Variants in TMEM132D observed in about 807,000 individuals in gnomAD.
The protein encoded by TMEM132D is transmembrane protein 132D.
Under a neutral mutation model 62.3 loss-of-function variants are expected in TMEM132D, and 21 were observed. The observed-to-expected ratio is 0.34, with a 90% CI of 0.24 to 0.49. The LOEUF (loss-of-function observed/expected upper bound fraction) is 0.49, where lower values mean the gene tolerates loss of function less well. Ranked by LOEUF, TMEM132D falls within the 20% of genes least tolerant of loss-of-function variation. The pLI is 0.99. For missense variants in TMEM132D, 1,346 were observed against 1,402.8 expected, an observed-to-expected ratio of 0.96 and a Z score of 0.65; for synonymous variants, 621 against 575.6, an observed-to-expected ratio of 1.08 and a Z score of -1.13.
At chr12:129,190,841 G>T (rs550165565) in intron 5 of TMEM132D, among the ~76,000 whole-genome samples, 45 of 152,154 alleles carry the variant, frequency 3.0e-4, no homozygotes, top group African/African-American at 1.1e-3. Flanking sequence ...TACAGATTCT[G>T]AGCCCATATC....
At chr12:129,514,389 T>C (rs1465799663) in intron 3 of TMEM132D, among the ~76,000 whole-genome samples, 2 of 152,194 alleles carry the variant, frequency 1.3e-5, no homozygotes, top group Admixed American at 6.5e-5. Context: ...ATCAAAAATA[T>C]ATCTTCTCAC....
At chr12:129,153,109 C>A (rs1213017060) in intron 5 of TMEM132D, among the ~76,000 whole-genome samples, 1 of 152,204 alleles carries the variant, frequency 6.6e-6, no homozygotes, top group East Asian at 1.9e-4. Flanking sequence ...GTCCTTCCAG[C>A]CCATCAACAC....
intron 2 of TMEM132D, among the ~76,000 whole-genome samples, chr12:129,606,731 G>C (rs1448029533): frequency 6.6e-6 from 1 of 152,174 alleles, no homozygotes; most frequent in Non-Finnish European, 1.5e-5. Flanking sequence ...CTGCCCACTT[G>C]GGTAGAAAGT....
chr12:129,428,968 A>G (rs1292984868), intron 3 of TMEM132D, among the ~76,000 whole-genome samples: 1 of 152,206 alleles, frequency 6.6e-6, no homozygotes, highest in African/African-American at 2.4e-5. Flanking sequence ...TAAGCAGTTT[A>G]TACTCACTGT....
At chr12:129,473,318 G>GTTT (rs1441231858) in intron 3 of TMEM132D, among the ~76,000 whole-genome samples, 699 of 57,522 alleles carry the variant, frequency 0.012, 6 homozygotes, top group Non-Finnish European at 0.013. Context: ...AGTGATTTTA[G>GTTT]TTTTTGTTTT....
chr12:129,762,302 G>A (rs1870406244), intron 1 of TMEM132D, among the ~76,000 whole-genome samples: 1 of 151,904 alleles, frequency 6.6e-6, no homozygotes, highest in African/African-American at 2.4e-5. Context: ...TAGTCCCAAT[G>A]GGAACATGAG....
At position 129,647,123 on chromosome 12, in the gene TMEM132D, T is replaced by TAC. The variant is rs1215399547; in HGVS notation, c.968+52686_968+52687insGT. ...CCACATGTTTTTATACATACATACATATATATATATATATATATACTCACA... is the reference window on the plus strand; with the variant it reads ...CCACATGTTTTTATACATACATACATACATATATATATATATATATACTCACA... On this transcript the variant is annotated intron_variant, in intron 2 of 8. Transcript: ENST00000422113. Among the ~76,000 whole-genome samples, 11 of 3,520 alleles carry TAC rather than the reference T, an allele frequency of 3.1e-3. No homozygotes were observed. The Admixed American group carries it at 0.07, about 22-fold the overall frequency. 2.3% of individuals were successfully genotyped at this position (3,520 alleles called of 152,430 possible). A position where few individuals can be genotyped will look rare whatever the true frequency, so the allele number is the denominator to read the frequency against.
chr12:129,328,075 T>C (rs886821007), intron 4 of TMEM132D, among the ~76,000 whole-genome samples: 2 of 152,206 alleles, frequency 1.3e-5, no homozygotes, highest in African/African-American at 4.8e-5. Context: ...CTTTCACAAC[T>C]TCCCAGGCTG....
chr12:129,690,049 G>A lies in TMEM132D; in HGVS notation c.968+9761C>T, dbSNP rs12426883. Among the ~76,000 whole-genome samples the A allele has an allele frequency of 7.7e-3, 1,176 of 152,240 alleles. 31 individuals carry two copies. The highest frequency in any genetic ancestry group is 0.045 in the Admixed American group (689 of 15,282). On this transcript the variant is annotated intron_variant, in intron 2 of 8. Coordinates refer to ENST00000422113, the MANE Select transcript of TMEM132D (RefSeq NM_133448.3). ...ACTGTTTGTTTAAGCAATAATAGTA[G>A]TGATGAATCACAGCAATGCCGCAAA...
chr12:129,223,154 T>G (rs1364305722), intron 4 of TMEM132D, among the ~76,000 whole-genome samples: 1 of 152,038 alleles, frequency 6.6e-6, no homozygotes, highest in African/African-American at 2.4e-5. Context: ...GAGTCTGGTT[T>G]TCTCCCCTTC....
intron 3 of TMEM132D, among the ~76,000 whole-genome samples, chr12:129,394,574 G>A (rs1274132601): frequency 6.6e-6 from 1 of 152,232 alleles, no homozygotes; most frequent in Non-Finnish European, 1.5e-5. Flanking sequence ...TCCTGGAGAA[G>A]GGGGAGACAG....
chr12:129,236,114 G>GTT (rs1230453567), intron 4 of TMEM132D, among the ~76,000 whole-genome samples: 1 of 130,380 alleles, frequency 7.7e-6, no homozygotes, highest in East Asian at 2.1e-4. Context: ...TTGTGTGTGT[G>GTT]TGTGTGTGTG....
At chr12:129,366,539 C>T (rs1252625319) in intron 3 of TMEM132D, among the ~76,000 whole-genome samples, 1 of 152,220 alleles carries the variant, frequency 6.6e-6, no homozygotes, top group Admixed American at 6.5e-5. Flanking sequence ...GCCTGCAGAA[C>T]CACGAGCAAA....
At chr12:129,728,671 TC>T (rs1204284757) in intron 1 of TMEM132D, among the ~76,000 whole-genome samples, 3 of 152,234 alleles carry the variant, frequency 2.0e-5, no homozygotes, top group Non-Finnish European at 4.4e-5. Flanking sequence ...TCATTTCAAA[TC>T]CTTCTTTGTC....
At chr12:129,546,713 A>G (rs945429821) in intron 2 of TMEM132D, among the ~76,000 whole-genome samples, 1 of 152,014 alleles carries the variant, frequency 6.6e-6, no homozygotes, top group Admixed American at 6.6e-5. Flanking sequence ...AGGCAGGAGA[A>G]TTGCTTGAAC....
At chr12:129,698,904 G>T (rs2137224139) in intron 2 of TMEM132D, among the ~76,000 whole-genome samples, 1 of 152,106 alleles carries the variant, frequency 6.6e-6, no homozygotes, top group South Asian at 2.1e-4. Context: ...AAGTTTATAA[G>T]CCCACATATG....
At chr12:129,810,125 G>C (rs1401226896) in intron 1 of TMEM132D, among the ~76,000 whole-genome samples, 3 of 152,078 alleles carry the variant, frequency 2.0e-5, no homozygotes, top group Non-Finnish European at 1.5e-5. Flanking sequence ...TTAAGTTGGC[G>C]GTGCCGTATC....
intron 5 of TMEM132D, among the ~76,000 whole-genome samples, chr12:129,167,591 G>A (rs1447248076): frequency 6.6e-6 from 1 of 151,984 alleles, no homozygotes; most frequent in Non-Finnish European, 1.5e-5. Flanking sequence ...AAGATCAGGG[G>A]ACCTTTGTCT....
At position 129,693,814 on chromosome 12, in the gene TMEM132D, G is replaced by A. The variant is rs147135827; in HGVS notation, c.968+5996C>T. ...AAACACACCCCTGGGTGGAGATTTCGGACGCTAATGAGACATGCGATGTAT... is the reference window on the plus strand; with the variant it reads ...AAACACACCCCTGGGTGGAGATTTCAGACGCTAATGAGACATGCGATGTAT... On this transcript the variant is annotated intron_variant, in intron 2 of 8. Transcript: ENST00000422113. 9.9e-5 allele frequency among the ~76,000 whole-genome samples: 15 copies of A among 152,224 alleles called. No individual in the cohort carries two copies. The East Asian group carries it at 2.5e-3, about 26-fold the overall frequency.
Sources: gnomAD v4.1 joint callset for allele counts (sites outside exome capture counted in the v4.1 genomes callset) on GRCh38, gnomAD v4.1.1 for gene constraint, MANE v1.5 for transcripts, NCBI Gene and HGNC (gene_info 2026-07-23, HGNC 2026-07-21) for gene names.